HCN1: variants seen among roughly 807,000 people sequenced by gnomAD.
HCN1 encodes hyperpolarization activated cyclic nucleotide gated potassium channel 1, also known as potassium/sodium hyperpolarization-activated cyclic nucleotide-gated channel 1.
A neutral mutation model predicts 78.9 loss-of-function variants in HCN1; 13 were observed. That is an observed-to-expected ratio of 0.16 (90% CI 0.11 to 0.26). The LOEUF (loss-of-function observed/expected upper bound fraction) is 0.26, where lower values mean the gene tolerates loss of function less well. Ranked by LOEUF, HCN1 falls within the 10% of genes least tolerant of loss-of-function variation. HCN1 has a pLI of 1.00. For synonymous variants in HCN1, 552 were observed against 455.5 expected, an observed-to-expected ratio of 1.21 and a Z score of -2.70; for missense variants, 810 against 1,154.3, an observed-to-expected ratio of 0.70 and a Z score of 4.32.
chr5:45,344,262 T>C (rs1746650440), intron 5 of HCN1, among the ~76,000 whole-genome samples: 1 of 152,036 alleles, frequency 6.6e-6, no homozygotes, highest in East Asian at 1.9e-4. Flanking sequence ...TCCTACCAGG[T>C]ACCTCCCATG....
At chr5:45,653,608 C>A (rs1418120272) in intron 1 of HCN1, among the ~76,000 whole-genome samples, 2 of 151,770 alleles carry the variant, frequency 1.3e-5, no homozygotes, top group African/African-American at 4.8e-5. Context: ...ATATATACTG[C>A]TGATTTCCCA....
chr5:45,489,124 G>T (rs1474608992), intron 2 of HCN1, among the ~76,000 whole-genome samples: 4 of 152,188 alleles, frequency 2.6e-5, no homozygotes, highest in Non-Finnish European at 4.4e-5. Context: ...GTTGGACACA[G>T]GCTTCAGAGA....
In HCN1 at chr5:45,651,843, A is replaced by G. The variant is rs188985509; in HGVS notation, c.426-6235T>C. Among the ~76,000 whole-genome samples the G allele has an allele frequency of 2.3e-3, 344 of 152,084 alleles. 1 individual carries two copies. The highest frequency in any genetic ancestry group is 5.4e-4 in the Non-Finnish European group (37 of 67,898). On this transcript the variant is annotated intron_variant, in intron 1 of 7. Transcript: ENST00000303230. ...ATTATCCATGGAGGGTGGGAAGGAA[A>G]TATATTTTAAAAATCCAGACAACTC...
intron 3 of HCN1, among the ~76,000 whole-genome samples, chr5:45,443,556 A>G (rs918660616): frequency 6.6e-6 from 1 of 152,094 alleles, no homozygotes; most frequent in Non-Finnish European, 1.5e-5. Flanking sequence ...TTATCTCTAT[A>G]TAGATAAGCA....
intron 3 of HCN1, among the ~76,000 whole-genome samples, chr5:45,421,743 A>G (rs568608669): frequency 5.9e-5 from 9 of 152,330 alleles, no homozygotes; most frequent in African/African-American, 2.2e-4. Flanking sequence ...TGTCTTAAAC[A>G]ACAAACATTA....
intron 4 of HCN1, among the ~76,000 whole-genome samples, chr5:45,375,919 A>T (rs866754337): frequency 2.5e-3 from 301 of 122,320 alleles, no homozygotes; most frequent in African/African-American, 9.4e-3. Flanking sequence ...TATCTTATAT[A>T]TTATATATGA....
chr5:45,506,576 A>C (rs1263827236), intron 2 of HCN1, among the ~76,000 whole-genome samples: 2 of 152,094 alleles, frequency 1.3e-5, no homozygotes, highest in Non-Finnish European at 2.9e-5. Flanking sequence ...ATAAAAAATG[A>C]AAAACACAAA....
At chr5:45,294,792 C>T (rs1039936380) in intron 6 of HCN1, among the ~76,000 whole-genome samples, 1 of 151,914 alleles carries the variant, frequency 6.6e-6, no homozygotes, top group Admixed American at 6.6e-5. Flanking sequence ...AATAAAAGGG[C>T]CATGGATAGA....
chr5:45,319,771 G>A (rs1190974966), intron 5 of HCN1, among the ~76,000 whole-genome samples: 1 of 151,326 alleles, frequency 6.6e-6, no homozygotes, highest in Non-Finnish European at 1.5e-5. Flanking sequence ...AAGGATTTAT[G>A]TTAATCACAA....
chr5:45,384,630 C>T (rs1006439674), intron 4 of HCN1, among the ~76,000 whole-genome samples: 14 of 151,946 alleles, frequency 9.2e-5, no homozygotes, highest in African/African-American at 1.4e-4. Flanking sequence ...CTTGTTTTTA[C>T]GGATGGAAAA....
intron 3 of HCN1, among the ~76,000 whole-genome samples, chr5:45,411,782 T>C (rs1740028984): frequency 6.6e-6 from 1 of 152,068 alleles, no homozygotes; most frequent in Non-Finnish European, 1.5e-5. Context: ...ACTCCTTCAG[T>C]AGAACTCTTA....
intron 2 of HCN1, among the ~76,000 whole-genome samples, chr5:45,540,207 A>C (rs1384733): frequency 0.065 from 9,862 of 152,082 alleles, 392 homozygotes; most frequent in East Asian, 0.15. Context: ...ATGCCAACAA[A>C]TATAACTACA....
At position 45,297,873 on chromosome 5, in the gene HCN1, G is replaced by T. The variant is rs577026225; in HGVS notation, c.1618+5726C>A. 2.6e-5 allele frequency among the ~76,000 whole-genome samples: 4 copies of T among 151,978 alleles called. No homozygotes were observed. The South Asian group carries it at 6.2e-4, about 24-fold the overall frequency. On this transcript the variant is annotated intron_variant, in intron 6 of 7. Transcript: ENST00000303230. ...AGAAAAAACATAGGATCACAGACTT[G>T]GCATAGAAAAACATACATTTGACAA...
chr5:45,584,115 T>C (rs1744148712), intron 2 of HCN1, among the ~76,000 whole-genome samples: 1 of 152,204 alleles, frequency 6.6e-6, no homozygotes, highest in Non-Finnish European at 1.5e-5. Context: ...ATCTGTTTAA[T>C]GTTGACAGTG....
chr5:45,579,531 A>T (rs1744016129), intron 2 of HCN1, among the ~76,000 whole-genome samples: 1 of 152,092 alleles, frequency 6.6e-6, no homozygotes, highest in Non-Finnish European at 1.5e-5. Context: ...CAAAGAGTGA[A>T]ATTATCAAGG....
intron 2 of HCN1, among the ~76,000 whole-genome samples, chr5:45,566,777 C>A (rs530887789): frequency 6.6e-6 from 1 of 152,256 alleles, no homozygotes; most frequent in African/African-American, 2.4e-5. Context: ...CACTCTGGGA[C>A]GGGTTCCTCC....
chr5:45,267,790 A>C (rs1233064301), intron 6 of HCN1, among the ~76,000 whole-genome samples: 2 of 152,156 alleles, frequency 1.3e-5, no homozygotes, highest in Non-Finnish European at 2.9e-5. Flanking sequence ...ACAACAACAA[A>C]AAAACATGGT....
In HCN1 at chr5:45,329,633, C is replaced by T. The variant is rs959252012; in HGVS notation, c.1377+23467G>A. On this transcript the variant is annotated intron_variant, in intron 5 of 7. Transcript: ENST00000303230. ...ATGATCATAGAATAAATTATTTTTG[C>T]AATGACTCATATACATTTATAGATA... 2.6e-5 allele frequency among the ~76,000 whole-genome samples: 4 copies of T among 151,348 alleles called. No homozygotes were observed. The South Asian group carries it at 8.3e-4, about 31-fold the overall frequency.
chr5:45,482,015 T>C (rs953737202), intron 2 of HCN1, among the ~76,000 whole-genome samples: 1 of 152,184 alleles, frequency 6.6e-6, no homozygotes, highest in Non-Finnish European at 1.5e-5. Flanking sequence ...ATGTGATAGG[T>C]GTTCAGTAAA....
Sources: allele counts gnomAD v4.1 joint callset (sites outside exome capture counted in the v4.1 genomes callset), GRCh38; gene constraint gnomAD v4.1.1; transcripts MANE v1.5; gene names NCBI Gene and HGNC (gene_info 2026-07-23, HGNC 2026-07-21).